The following RELN variants were observed in gnomAD, a reference collection of about 807,000 sequenced individuals.
RELN encodes the protein reelin.
RELN carries 108 observed loss-of-function variants against 427.6 expected under a neutral mutation model. That is an observed-to-expected ratio of 0.25 (90% CI 0.22 to 0.30). RELN has a LOEUF of 0.30. Ranked by LOEUF, RELN falls within the 10% of genes least tolerant of loss-of-function variation. RELN has a pLI of 1.00. For missense variants in RELN, 3,715 were observed against 4,302.8 expected (o/e 0.86, Z 3.82); for synonymous variants, 1,524 against 1,513.4 (o/e 1.01, Z -0.16).
intron 48 of RELN, among the ~76,000 whole-genome samples, chr7:103,520,806 CA>C (rs1452332238): frequency 2.0e-5 from 3 of 151,946 alleles, no homozygotes; most frequent in African/African-American, 7.3e-5. Flanking sequence ...CAGTCTTTCT[CA>C]GTGTTGCTGA....
chr7:103,685,621 T>C (rs1833750517), intron 10 of RELN, among the ~76,000 whole-genome samples: 1 of 152,154 alleles, frequency 6.6e-6, no homozygotes, highest in Admixed American at 6.6e-5. Flanking sequence ...ATTATATAAT[T>C]ATAATTGTTT....
chr7:103,486,920 G>A (rs1324716460), intron 60 of RELN, among the ~76,000 whole-genome samples: 1 of 152,106 alleles, frequency 6.6e-6, no homozygotes, highest in African/African-American at 2.4e-5. Context: ...ATACCCAAAG[G>A]ATTATAAATC....
intron 3 of RELN, among the ~76,000 whole-genome samples, chr7:103,807,918 A>G (rs1584256833): frequency 6.6e-6 from 1 of 152,272 alleles, no homozygotes; most frequent in East Asian, 1.9e-4. Flanking sequence ...TCCCACCAGC[A>G]GAAGACTGTA....
chr7:103,811,060 AATTATTT>A (rs767155730), intron 3 of RELN, among the ~76,000 whole-genome samples: 2 of 152,048 alleles, frequency 1.3e-5, no homozygotes, highest in Non-Finnish European at 2.9e-5. Flanking sequence ...ATTAATGTTC[AATTATTT>A]ATTTTTTAGA....
intron 3 of RELN, among the ~76,000 whole-genome samples, chr7:103,787,560 A>C (rs148552451): frequency 0.064 from 9,750 of 152,262 alleles, 576 homozygotes; most frequent in African/African-American, 0.16. Flanking sequence ...TAACACCTCT[A>C]CACAAATAAA....
At chr7:103,535,702 A>G (rs1465462794) in intron 45 of RELN, among the ~76,000 whole-genome samples, 1 of 124,574 alleles carries the variant, frequency 8.0e-6, no homozygotes, top group African/African-American at 2.9e-5. Context: ...AATAACTTTT[A>G]AGGGGATATG....
At chr7:103,575,832 G>T in intron 28 of RELN, 127 bp from the exon 29 acceptor site, 2 of 1,020,524 alleles carry the variant, frequency 2.0e-6, no homozygotes, top group South Asian at 1.3e-5. Flanking sequence ...CTGCTTGACT[G>T]CACTTAACCT....
intron 1 of RELN, among the ~76,000 whole-genome samples, chr7:103,948,320 G>A (rs1796260504): frequency 6.6e-6 from 1 of 152,022 alleles, no homozygotes; most frequent in Non-Finnish European, 1.5e-5. Context: ...TATATAATCA[G>A]TATACTTAAG....
chr7:103,762,276 A>G (rs1258144639), intron 4 of RELN, among the ~76,000 whole-genome samples: 1 of 152,236 alleles, frequency 6.6e-6, no homozygotes, highest in Non-Finnish European at 1.5e-5. Context: ...TGTGCACAGT[A>G]GAACGACCCT....
At chr7:103,523,117 C>T (rs1263080689) in intron 47 of RELN, among the ~76,000 whole-genome samples, 1 of 152,076 alleles carries the variant, frequency 6.6e-6, no homozygotes, top group Non-Finnish European at 1.5e-5. Context: ...TTTCAAGGCT[C>T]GAGTGTATCA....
intron 20 of RELN, among the ~76,000 whole-genome samples, chr7:103,617,111 A>AT (rs1468499763): frequency 6.6e-6 from 1 of 152,062 alleles, no homozygotes; most frequent in Non-Finnish European, 1.5e-5. Flanking sequence ...CTTAATCTAC[A>AT]TTTTTTGATT....
At chr7:103,959,523 C>A (rs1796503802) in intron 1 of RELN, among the ~76,000 whole-genome samples, 1 of 152,170 alleles carries the variant, frequency 6.6e-6, no homozygotes, top group African/African-American at 2.4e-5. Context: ...TTTCTCCCTG[C>A]AGATTCTCCC....
chr7:103,814,505 T>C (rs1169925825), intron 3 of RELN, among the ~76,000 whole-genome samples: 2 of 152,232 alleles, frequency 1.3e-5, no homozygotes, highest in Non-Finnish European at 2.9e-5. Context: ...TCATGGTTCA[T>C]ATACATCAAT....
chr7:103,574,764 G>A (rs573529261), intron 29 of RELN, among the ~76,000 whole-genome samples: 9 of 152,254 alleles, frequency 5.9e-5, no homozygotes, highest in Non-Finnish European at 1.3e-4. Context: ...CCAGATGAAG[G>A]CTGGGATACT....
chr7:103,484,784 GA>G (rs900721536), intron 61 of RELN, among the ~76,000 whole-genome samples: 1 of 152,138 alleles, frequency 6.6e-6, no homozygotes, highest in African/African-American at 2.4e-5. Context: ...AGAGGACATG[GA>G]ATACAACCAC....
intron 24 of RELN, 77 bp from the exon 25 acceptor site, chr7:103,596,738 C>T (rs1284645100): frequency 3.3e-6 from 4 of 1,224,334 alleles, no homozygotes; most frequent in Non-Finnish European, 4.8e-6. Flanking sequence ...TCCAAATTCA[C>T]ATGGACATCT....
At position 103,918,120 on chromosome 7, in the gene RELN, C is replaced by T. The variant is rs116779337; in HGVS notation, c.227-935G>A. Among the ~76,000 whole-genome samples the T allele has an allele frequency of 9.1e-3, 1,387 of 152,018 alleles. 18 individuals are homozygous for T. The highest frequency in any genetic ancestry group is 0.031 in the African/African-American group (1,286 of 41,458). ...TGTTTAAATTAAACTCCAGAAAATC[C>T]GGTGAACAGAGCTAAATGGTCTGAA... On this transcript the variant is annotated intron_variant, in intron 1 of 64. Coordinates refer to ENST00000428762, the MANE Select transcript of RELN (RefSeq NM_005045.4).
intron 1 of RELN, among the ~76,000 whole-genome samples, chr7:103,972,924 CAAGAT>C (rs1192032592): frequency 4.1e-5 from 3 of 72,686 alleles, no homozygotes; most frequent in Non-Finnish European, 8.4e-5. Context: ...GTGTGTGCTA[CAAGAT>C]TAGATAGAAA....
At chr7:103,956,118 G>A (rs575548387) in intron 1 of RELN, among the ~76,000 whole-genome samples, 3 of 152,174 alleles carry the variant, frequency 2.0e-5, no homozygotes, top group South Asian at 4.1e-4. Flanking sequence ...GTTTTCCCAC[G>A]TTAGTTCCCC....
Sources: allele counts gnomAD v4.1 joint callset (sites outside exome capture counted in the v4.1 genomes callset), GRCh38; gene constraint gnomAD v4.1.1; transcripts MANE v1.5; gene names NCBI Gene and HGNC (gene_info 2026-07-23, HGNC 2026-07-21).